Variants in CCDC3 observed in about 807,000 individuals in gnomAD.
The protein encoded by CCDC3 is coiled-coil domain-containing protein 3.
Under a neutral mutation model 21.4 loss-of-function variants are expected in CCDC3, and 24 were observed. The ratio of observed to expected loss-of-function variants is 1.12; its 90% confidence interval spans 0.81 to 1.58. The LOEUF (loss-of-function observed/expected upper bound fraction) is 1.58, where lower values mean the gene tolerates loss of function less well. Ranked by LOEUF, CCDC3 falls within the 40% of genes most tolerant of loss-of-function variation. CCDC3 has a pLI of 0.00. For missense variants in CCDC3, 425 were observed against 360.9 expected (o/e 1.18, Z -1.44); for synonymous variants, 186 against 166.0 (o/e 1.12, Z -0.93).
intron 4 of CCDC3, among the ~76,000 whole-genome samples, chr10:13,072,642 G>A (rs910616489): frequency 1.3e-5 from 2 of 151,796 alleles, no homozygotes; most frequent in Non-Finnish European, 2.9e-5. Context: ...TGGGAGGCCT[G>A]TTAATAGGAC....
chr10:12,930,766 T>C (rs1163065452), intron 2 of CCDC3, among the ~76,000 whole-genome samples: 1 of 152,074 alleles, frequency 6.6e-6, no homozygotes, highest in Non-Finnish European at 1.5e-5. Flanking sequence ...TTGGATAGTC[T>C]CCCACAACAA....
chr10:12,949,931 C>A (rs1377135791), intron 2 of CCDC3, among the ~76,000 whole-genome samples: 6 of 152,280 alleles, frequency 3.9e-5, no homozygotes, highest in Non-Finnish European at 7.4e-5. Flanking sequence ...ATACACACTT[C>A]AAAGCAGCCA....
At chr10:12,963,114 T>C (rs1275881736) in intron 2 of CCDC3, among the ~76,000 whole-genome samples, 4 of 152,156 alleles carry the variant, frequency 2.6e-5, no homozygotes, top group African/African-American at 7.2e-5. Flanking sequence ...TGAAAGAAAA[T>C]AGCTGTGGGA....
At chr10:12,963,648 T>C (rs900626751) in intron 2 of CCDC3, among the ~76,000 whole-genome samples, 2 of 148,592 alleles carry the variant, frequency 1.3e-5, no homozygotes, top group African/African-American at 5.0e-5. Context: ...TGGCATGATC[T>C]TGGCTCACTG....
intron 4 of CCDC3, among the ~76,000 whole-genome samples, chr10:13,070,585 C>T (rs886829828): frequency 3.9e-5 from 6 of 152,108 alleles, no homozygotes; most frequent in African/African-American, 1.4e-4. Context: ...ACCCAGGGAC[C>T]ATATCTCTTG....
At chr10:12,939,039 A>C (rs990534593) in intron 2 of CCDC3, among the ~76,000 whole-genome samples, 2 of 151,620 alleles carry the variant, frequency 1.3e-5, no homozygotes, top group Non-Finnish European at 2.9e-5. Context: ...TGCATCCACT[A>C]CAAATTCAGA....
intron 4 of CCDC3, among the ~76,000 whole-genome samples, chr10:13,063,932 ATGT>A (rs967942798): frequency 1.9e-4 from 28 of 144,514 alleles, no homozygotes; most frequent in African/African-American, 5.3e-4. Flanking sequence ...GTTGTTGTTG[ATGT>A]TGTTGTTTTT....
At chr10:13,069,883 T>C (rs951664777) in intron 4 of CCDC3, among the ~76,000 whole-genome samples, 1 of 152,232 alleles carries the variant, frequency 6.6e-6, no homozygotes, top group Non-Finnish European at 1.5e-5. Flanking sequence ...CATTTTGTTA[T>C]TTACAGATAA....
chr10:13,090,129 A>G (rs1472437439), intron 3 of CCDC3, among the ~76,000 whole-genome samples: 1 of 135,646 alleles, frequency 7.4e-6, no homozygotes, highest in African/African-American at 2.8e-5. Context: ...TCATTCTGTC[A>G]CCAGGCTGGA....
rs753895194 is a variant in CCDC3 at position 12,898,478 on chromosome 10, C to T, written c.751G>A (p.Ala251Thr). ...GCATTGATGTGCGGCAGCGCGCCCG[C>T]CGCCAGCTTCTCACTGAGTTTCTGG... The part of the protein sequence containing the change: ...ANQKLSEKLA[A>T]GALPHINARG... The change falls in exon 3 of 3, where the codon GCG (alanine) becomes ACG (threonine). Residue 251 changes from alanine (A) to threonine (T), a missense_variant. Coordinates refer to ENST00000378825, the MANE Select transcript of CCDC3 (RefSeq NM_031455.4). 22 of 1,613,308 alleles carry T rather than the reference C, an allele frequency of 1.4e-5. No individual in the cohort carries two copies. In the East Asian group the frequency reaches 4.9e-4, roughly 36 times the overall value.
chr10:12,901,695 G>T (rs539629094), intron 2 of CCDC3, among the ~76,000 whole-genome samples: 1 of 152,136 alleles, frequency 6.6e-6, no homozygotes, highest in Non-Finnish European at 1.5e-5. Context: ...CCATGCCCTC[G>T]TGCACAGTAA....
rs61565163 is a variant in CCDC3 at position 12,933,458 on chromosome 10, A to ATT, written c.550-34781_550-34780dup. On this transcript the variant is annotated intron_variant, in intron 2 of 2. Coordinates refer to ENST00000378825, the MANE Select transcript of CCDC3 (RefSeq NM_031455.4). The stretch of plus-strand genomic sequence containing the variant: ...TAGAGTTGTTGATAATATTCCCTTT[A>ATT]TTTTTTTTTTTTTTGAGACAGAGTC... Among the ~76,000 whole-genome samples the ATT allele has an allele frequency of 5.7e-3, 821 of 144,632 alleles. 6 individuals carry two copies. The highest frequency in any genetic ancestry group is 9.5e-3 in the African/African-American group (371 of 39,102). The allele number at this position is 144,632 out of a possible 152,430, so 94.9% of individuals were successfully genotyped here.
At chr10:12,927,707 C>A (rs1011921109) in intron 2 of CCDC3, among the ~76,000 whole-genome samples, 11 of 152,174 alleles carry the variant, frequency 7.2e-5, no homozygotes, top group African/African-American at 2.7e-4. Context: ...TGTCCCAAAA[C>A]ACGCTAAAGG....
rs869262596 is a variant in CCDC3, at chr10:13,089,007, CAA to C, written c.-503+9516_-503+9517del. Among the ~76,000 whole-genome samples the C allele has an allele frequency of 2.1e-3, 230 of 110,832 alleles. 2 individuals carry two copies. The highest frequency in any genetic ancestry group is 6.6e-3 in the African/African-American group (207 of 31,370). 72.7% of individuals were successfully genotyped at this position (110,832 alleles called of 152,430 possible). On this transcript the variant is annotated intron_variant, in intron 3 of 6. Coordinates refer to the CCDC3 transcript ENST00000378839. ...CCTGGGTGACAGAGTGAGACTGTCT[CAA>C]AAAAAAAAAAAAATAAAAGAAGAAA...
chr10:13,042,044 T>C (rs892927583), intron 5 of CCDC3, among the ~76,000 whole-genome samples: 2 of 152,194 alleles, frequency 1.3e-5, no homozygotes, highest in African/African-American at 4.8e-5. Flanking sequence ...CGCTTTGGCC[T>C]CTGTCTAAAA....
intron 2 of CCDC3, among the ~76,000 whole-genome samples, chr10:12,922,131 C>T (rs183342385): frequency 1.7e-3 from 253 of 152,332 alleles, no homozygotes; most frequent in African/African-American, 5.7e-3. Flanking sequence ...CTCTGACTCC[C>T]ATTCCTCTTA....
At chr10:12,951,080 A>C (rs956231992) in intron 2 of CCDC3, among the ~76,000 whole-genome samples, 10 of 152,358 alleles carry the variant, frequency 6.6e-5, no homozygotes, top group Non-Finnish European at 1.2e-4. Context: ...TTCAGTGAGC[A>C]CTGTGAGAAA....
intron 2 of CCDC3, among the ~76,000 whole-genome samples, chr10:12,903,749 G>A (rs11258055): frequency 0.14 from 20,731 of 152,274 alleles, 1,501 homozygotes; most frequent in Middle Eastern, 0.17. Context: ...CTGGGAGCCT[G>A]CTCTTTTATT....
At chr10:12,983,291 A>G (rs73581782) in intron 2 of CCDC3, among the ~76,000 whole-genome samples, 2,331 of 150,890 alleles carry the variant, frequency 0.015, 65 homozygotes, top group African/African-American at 0.053. Flanking sequence ...ATTTGAAAAC[A>G]GCAGGGAGTG....
Sources: gnomAD v4.1 joint callset for allele counts (sites outside exome capture counted in the v4.1 genomes callset) on GRCh38, gnomAD v4.1.1 for gene constraint, MANE v1.5 for transcripts, NCBI Gene and HGNC (gene_info 2026-07-23, HGNC 2026-07-21) for gene names.